ARID2: variants seen among roughly 807,000 people sequenced by gnomAD.
ARID2 encodes AT-rich interaction domain 2, also known as AT-rich interactive domain-containing protein 2.
In ARID2, 32 loss-of-function variants were observed where a neutral mutation model predicts 184.6. The observed-to-expected ratio is 0.17, with a 90% CI of 0.13 to 0.23. The LOEUF is 0.23. Among genes scored for constraint, ARID2 ranks in the 10% least tolerant of loss-of-function variants. ARID2 has a pLI of 1.00. For missense variants in ARID2, 1,696 were observed against 2,197.6 expected (o/e 0.77, Z 4.56); for synonymous variants, 836 against 772.6 (o/e 1.08, Z -1.36).
Position 45,798,904 on chromosome 12 carries a change from C to T in ARID2, c.285-12514C>T, listed in dbSNP as rs73292506. Among the ~76,000 whole-genome samples the T allele has an allele frequency of 5.3e-3, 810 of 151,620 alleles. 6 individuals carry two copies. The highest frequency in any genetic ancestry group is 0.019 in the African/African-American group (770 of 41,398). On this transcript the variant is annotated intron_variant, in intron 3 of 20. Coordinates refer to ENST00000334344, the MANE Select transcript of ARID2 (RefSeq NM_152641.4). ...CCTCTAGAAATCTCTTTTCTTCAGA[C>T]TGTAATTATATTCTTATAATTACAT...
intron 6 of ARID2, among the ~76,000 whole-genome samples, chr12:45,822,987 G>A (rs894448776): frequency 6.6e-6 from 1 of 152,092 alleles, no homozygotes; most frequent in African/African-American, 2.4e-5. Flanking sequence ...GACATTTATA[G>A]ACTATTTTAT....
Position 45,732,033 on chromosome 12 carries a change from A to G in ARID2, c.284+719A>G, listed in dbSNP as rs11615121. Among the ~76,000 whole-genome samples, 975 of 149,862 alleles carry G rather than the reference A, an allele frequency of 6.5e-3. 6 individuals carry two copies. The highest frequency in any genetic ancestry group is 0.011 in the Non-Finnish European group (725 of 67,588). On this transcript the variant is annotated intron_variant, in intron 3 of 20. Coordinates refer to ENST00000334344, the MANE Select transcript of ARID2 (RefSeq NM_152641.4). ...AAGTTTAATTTCTTATTCAGTTGGT[A>G]TGTGATACAGTCTAGATGATATATT...
rs1943453027 is a variant in ARID2, at chr12:45,846,863, A to G, written c.1506A>G (p.Arg502=). Residue 502 remains arginine (R), a synonymous_variant, in exon 12 of 21, where the codon AGA becomes AGG. Coordinates refer to ENST00000334344, the MANE Select transcript of ARID2 (RefSeq NM_152641.4). ...QTHVASAPAS[R]AVVAQHVAPP... ...ATGTATTTTTTTCTTTAGCTTCCAG[A>G]GCAGTTGTAGCGCAGCATGTTGCTC... The G allele has an allele frequency of 1.9e-6, 3 of 1,612,864 alleles. No individual in the cohort carries two copies. In the South Asian group the frequency reaches 3.3e-5, roughly 18 times the overall value.
At chr12:45,736,034 C>T (rs1941110943) in intron 3 of ARID2, among the ~76,000 whole-genome samples, 1 of 152,140 alleles carries the variant, frequency 6.6e-6, no homozygotes, top group African/African-American at 2.4e-5. Flanking sequence ...CATAGTTGAT[C>T]GTGTGAAATC....
At chr12:45,756,903 A>T (rs1941581629) in intron 3 of ARID2, among the ~76,000 whole-genome samples, 1 of 152,210 alleles carries the variant, frequency 6.6e-6, no homozygotes, top group Non-Finnish European at 1.5e-5. Flanking sequence ...TGCCTCTAAA[A>T]AAAGAAAAAA....
chr12:45,729,975 C>T (rs1328950470), intron 1 of ARID2, 47 bp downstream of exon 1: 1 of 1,604,894 alleles, frequency 6.2e-7, no homozygotes. Context: ...CCGGGGCGAA[C>T]GGGGCTCTCC....
rs1458429914 is a variant in ARID2, at chr12:45,766,848, ATCCTAG to A, written c.284+35535_284+35540del. On this transcript the variant is annotated intron_variant, in intron 3 of 20. Coordinates refer to ENST00000334344, the MANE Select transcript of ARID2 (RefSeq NM_152641.4). ...TTAATTTTTAAAGAAGTAGCTTGTA[ATCCTAG>A]CTACTTGGGAGGCTGAGGCAGGAGA... 5.5e-3 allele frequency among the ~76,000 whole-genome samples: 829 copies of A among 151,108 alleles called. 7 individuals are homozygous for A. The highest frequency in any genetic ancestry group is 0.019 in the African/African-American group (790 of 41,126).
chr12:45,798,550 G>A (rs959352813), intron 3 of ARID2, among the ~76,000 whole-genome samples: 5 of 152,120 alleles, frequency 3.3e-5, no homozygotes, highest in Non-Finnish European at 4.4e-5. Flanking sequence ...GTGGAGAGTA[G>A]GCTTTTTCAA....
intron 16 of ARID2, among the ~76,000 whole-genome samples, chr12:45,869,992 T>TG (rs1452003111): frequency 6.6e-6 from 1 of 152,094 alleles, no homozygotes; most frequent in Non-Finnish European, 1.5e-5. Context: ...AACCATTTTT[T>TG]TTGTTGTTGT....
intron 3 of ARID2, among the ~76,000 whole-genome samples, chr12:45,775,487 C>G (rs537865758): frequency 1.3e-5 from 2 of 152,154 alleles, no homozygotes; most frequent in Non-Finnish European, 2.9e-5. Context: ...TTTTTTCTCT[C>G]TCAGAAGTTT....
intron 3 of ARID2, among the ~76,000 whole-genome samples, chr12:45,732,457 A>G (rs1012482299): frequency 6.6e-6 from 1 of 152,178 alleles, no homozygotes; most frequent in African/African-American, 2.4e-5. Context: ...TTACACAGGA[A>G]GTCTAGAAAA....
chr12:45,860,671 C>G, intron 15 of ARID2, 130 bp from the exon 16 acceptor site: 1 of 807,516 alleles, frequency 1.2e-6, no homozygotes, highest in Non-Finnish European at 1.7e-6. Flanking sequence ...TAATCATAAG[C>G]TTAAAATTAT....
chr12:45,813,835 A>G (rs767563908), intron 4 of ARID2, among the ~76,000 whole-genome samples: 24 of 152,178 alleles, frequency 1.6e-4, no homozygotes, highest in Non-Finnish European at 2.8e-4. Flanking sequence ...AGATTCTTCA[A>G]CATTGGCATC....
chr12:45,774,908 G>A (rs1226454695), intron 3 of ARID2, among the ~76,000 whole-genome samples: 2 of 152,144 alleles, frequency 1.3e-5, no homozygotes, highest in East Asian at 3.9e-4. Flanking sequence ...TCCATAAGGG[G>A]TAGTTTTGCT....
chr12:45,756,502 A>G (rs1268386261), intron 3 of ARID2, among the ~76,000 whole-genome samples: 4 of 152,194 alleles, frequency 2.6e-5, no homozygotes, highest in African/African-American at 9.7e-5. Context: ...AATTGCTTCC[A>G]CTCTAACTCA....
chr12:45,782,201 C>T (rs779237708), intron 3 of ARID2, among the ~76,000 whole-genome samples: 3 of 151,926 alleles, frequency 2.0e-5, no homozygotes, highest in South Asian at 2.1e-4. Context: ...AGAATATTCA[C>T]TAGCAAATGT....
intron 16 of ARID2, among the ~76,000 whole-genome samples, chr12:45,878,715 T>C (rs747345001): frequency 6.6e-6 from 1 of 152,176 alleles, no homozygotes. Flanking sequence ...TTGTGTGATA[T>C]CTGAGTCTGG....
intron 3 of ARID2, among the ~76,000 whole-genome samples, chr12:45,809,015 C>T (rs758341314): frequency 6.6e-6 from 1 of 152,062 alleles, no homozygotes; most frequent in Non-Finnish European, 1.5e-5. Flanking sequence ...ATACTCCCAC[C>T]TCACCTCCCA....
At chr12:45,746,828 G>A (rs1343202346) in intron 3 of ARID2, among the ~76,000 whole-genome samples, 2 of 152,028 alleles carry the variant, frequency 1.3e-5, no homozygotes, top group East Asian at 1.9e-4. Context: ...GTGCAGTGGC[G>A]CGATCGAGGC....
Sources: allele counts gnomAD v4.1 joint callset (sites outside exome capture counted in the v4.1 genomes callset), GRCh38; gene constraint gnomAD v4.1.1; transcripts MANE v1.5; gene names NCBI Gene and HGNC (gene_info 2026-07-23, HGNC 2026-07-21).